Variants in RAB3C observed in about 807,000 individuals in gnomAD.
The protein encoded by RAB3C is ras-related protein Rab-3C.
Under a neutral mutation model 26.4 loss-of-function variants are expected in RAB3C, and 17 were observed. The observed-to-expected ratio is 0.64, with a 90% CI of 0.44 to 0.97. RAB3C has a LOEUF of 0.97. RAB3C is among the 50% of genes least tolerant of loss of function. The pLI is 0.00. For missense variants in RAB3C, 242 were observed against 281.9 expected, an observed-to-expected ratio of 0.86 and a Z score of 1.01; for synonymous variants, 91 against 95.9, an observed-to-expected ratio of 0.95 and a Z score of 0.30.
intron 3 of RAB3C, among the ~76,000 whole-genome samples, chr5:58,820,712 A>T (rs1034628346): frequency 2.0e-5 from 3 of 152,174 alleles, no homozygotes; most frequent in Non-Finnish European, 2.9e-5. Context: ...TTTCCCGACA[A>T]TTTAGAACAT....
chr5:58,646,385 T>C (rs1291287040), intron 2 of RAB3C, among the ~76,000 whole-genome samples: 2 of 151,808 alleles, frequency 1.3e-5, no homozygotes, highest in Non-Finnish European at 2.9e-5. Flanking sequence ...AAACAATTAG[T>C]CTACAAATAC....
intron 2 of RAB3C, among the ~76,000 whole-genome samples, chr5:58,656,558 C>T (rs1294330248): frequency 6.6e-6 from 1 of 152,092 alleles, no homozygotes; most frequent in Non-Finnish European, 1.5e-5. Context: ...GTCAATAAGT[C>T]ACAATAAAGT....
At chr5:58,779,829 A>C (rs1742234958) in intron 3 of RAB3C, among the ~76,000 whole-genome samples, 1 of 152,136 alleles carries the variant, frequency 6.6e-6, no homozygotes, top group South Asian at 2.1e-4. Flanking sequence ...TTTGGGAAAC[A>C]CTAAAAAAGG....
chr5:58,637,098 CT>C (rs10669263), intron 2 of RAB3C, among the ~76,000 whole-genome samples: 88 of 142,170 alleles, frequency 6.2e-4, no homozygotes, highest in Admixed American at 1.5e-3. Context: ...TTTCAAAGAA[CT>C]TTTTTTTTTT....
chr5:58,648,962 A>T (rs1747585298), intron 2 of RAB3C, among the ~76,000 whole-genome samples: 1 of 152,132 alleles, frequency 6.6e-6, no homozygotes, highest in African/African-American at 2.4e-5. Flanking sequence ...TGGGAAAATG[A>T]TCTCACACCC....
intron 3 of RAB3C, among the ~76,000 whole-genome samples, chr5:58,768,896 T>TAA (rs1741965794): frequency 1.3e-5 from 2 of 152,124 alleles, no homozygotes; most frequent in Non-Finnish European, 2.9e-5. Flanking sequence ...TCACTCCCAC[T>TAA]GCTATGTGGA....
At chr5:58,779,598 G>A (rs1742229586) in intron 3 of RAB3C, among the ~76,000 whole-genome samples, 1 of 151,834 alleles carries the variant, frequency 6.6e-6, no homozygotes, top group Non-Finnish European at 1.5e-5. Context: ...ATGTTGCCTA[G>A]GCTGGTCTTG....
At chr5:58,602,296 T>A (rs188876098) in intron 1 of RAB3C, among the ~76,000 whole-genome samples, 294 of 152,318 alleles carry the variant, frequency 1.9e-3, no homozygotes, top group African/African-American at 6.8e-3. Flanking sequence ...GAAAGTTCCA[T>A]GTGCTGTTGA....
intron 2 of RAB3C, among the ~76,000 whole-genome samples, chr5:58,712,173 G>A (rs182626196): frequency 7.2e-5 from 11 of 152,086 alleles, no homozygotes; most frequent in African/African-American, 2.4e-4. Flanking sequence ...TAGTACTTAC[G>A]TCATACTATA....
At chr5:58,655,937 C>A (rs1202907469) in intron 2 of RAB3C, among the ~76,000 whole-genome samples, 3 of 151,960 alleles carry the variant, frequency 2.0e-5, no homozygotes, top group Admixed American at 6.6e-5. Context: ...GCTGGGACTA[C>A]AGGCGCCCGC....
intron 2 of RAB3C, among the ~76,000 whole-genome samples, chr5:58,681,272 G>C (rs1748337005): frequency 6.6e-6 from 1 of 152,168 alleles, no homozygotes; most frequent in Admixed American, 6.5e-5. Context: ...TGCAAAACAT[G>C]ATAAATCAAG....
At chr5:58,652,507 G>T (rs1747677287) in intron 2 of RAB3C, among the ~76,000 whole-genome samples, 1 of 151,212 alleles carries the variant, frequency 6.6e-6, no homozygotes, top group Non-Finnish European at 1.5e-5. Flanking sequence ...TGCATGAACT[G>T]TACAGTCAGA....
intron 3 of RAB3C, among the ~76,000 whole-genome samples, chr5:58,734,634 C>T (rs1741095871): frequency 6.6e-6 from 1 of 152,134 alleles, no homozygotes; most frequent in African/African-American, 2.4e-5. Context: ...AAAACAAAAA[C>T]TCAAAACACC....
intron 2 of RAB3C, among the ~76,000 whole-genome samples, chr5:58,631,458 T>G (rs1169882080): frequency 6.6e-6 from 1 of 152,210 alleles, no homozygotes; most frequent in Non-Finnish European, 1.5e-5. Context: ...TAGGCTAATG[T>G]CTCAAATATT....
Position 58,854,807 on chromosome 5 carries a change from AC to A in RAB3C, c.*3459del, listed in dbSNP as rs1744223022. The A allele has an allele frequency of 6.6e-6, 1 of 151,168 alleles. No individual in the cohort carries two copies. The highest frequency in any genetic ancestry group is 1.5e-5 in the Non-Finnish European group (1 of 67,816). The allele number at this position is 151,168 out of a possible 1,614,324, so 9.4% of individuals were successfully genotyped here. ...AATAAACAAAATCTACAAAGTTACA[AC>A]CCAAATTATACAAGACATCAAAACA... On this transcript the variant is annotated 3_prime_UTR_variant, in exon 5 of 5. Transcript: ENST00000282878.
chr5:58,597,486 ATATAGTT>A (rs1746341151), intron 1 of RAB3C, among the ~76,000 whole-genome samples: 4 of 112,006 alleles, frequency 3.6e-5, no homozygotes, highest in Non-Finnish European at 5.2e-5. Flanking sequence ...ATATAACAAT[ATATAGTT>A]CATTATATAT....
chr5:58,713,732 A>G (rs566065807), intron 2 of RAB3C, among the ~76,000 whole-genome samples: 1 of 152,222 alleles, frequency 6.6e-6, no homozygotes, highest in Non-Finnish European at 1.5e-5. Context: ...GACTTTAAAC[A>G]TAAATTAAAC....
intron 2 of RAB3C, among the ~76,000 whole-genome samples, chr5:58,717,845 G>A (rs1374321219): frequency 6.6e-6 from 1 of 152,014 alleles, no homozygotes; most frequent in African/African-American, 2.4e-5. Context: ...CACAAAAGCC[G>A]ATCAAAATTT....
chr5:58,625,207 A>G (rs1473211259), intron 2 of RAB3C, among the ~76,000 whole-genome samples: 1 of 151,614 alleles, frequency 6.6e-6, no homozygotes, highest in Non-Finnish European at 1.5e-5. Context: ...CACTGTGCAT[A>G]TTTTATTTGC....
Sources: allele counts gnomAD v4.1 joint callset (sites outside exome capture counted in the v4.1 genomes callset), GRCh38; gene constraint gnomAD v4.1.1; transcripts MANE v1.5; gene names NCBI Gene and HGNC (gene_info 2026-07-23, HGNC 2026-07-21).